Variants in RSRC1 observed in about 807,000 individuals in gnomAD.
RSRC1 encodes the protein serine/Arginine-related protein 53.
A neutral mutation model predicts 49.1 loss-of-function variants in RSRC1; 39 were observed. The ratio of observed to expected loss-of-function variants is 0.79; its 90% CI spans 0.61 to 1.04. The LOEUF (loss-of-function observed/expected upper bound fraction) is 1.04, where lower values mean the gene tolerates loss of function less well. Among genes scored for constraint, RSRC1 ranks in the 50% least tolerant of loss-of-function variants. The probability of loss-of-function intolerance (pLI) is 0.00; values close to 1 mark genes in which losing one functional copy is unlikely to be tolerated. For missense variants in RSRC1, 388 were observed against 402.4 expected, an observed-to-expected ratio of 0.96 and a Z score of 0.31; for synonymous variants, 143 against 130.8, an observed-to-expected ratio of 1.09 and a Z score of -0.63.
intron 7 of RSRC1, among the ~76,000 whole-genome samples, chr3:158,533,337 T>C (rs1446632023): frequency 1.3e-5 from 2 of 151,792 alleles, no homozygotes; most frequent in Non-Finnish European, 3.0e-5. Flanking sequence ...TCCTATCTGC[T>C]CTGTCACTTT....
chr3:158,219,803 C>T (rs1559948036), intron 4 of RSRC1, among the ~76,000 whole-genome samples: 1 of 151,490 alleles, frequency 6.6e-6, no homozygotes, highest in Non-Finnish European at 1.5e-5. Flanking sequence ...GGATCTTGAT[C>T]TGACTTGAGT....
At chr3:158,433,969 T>C (rs1040575401) in intron 6 of RSRC1, among the ~76,000 whole-genome samples, 1 of 151,916 alleles carries the variant, frequency 6.6e-6, no homozygotes, top group African/African-American at 2.4e-5. Flanking sequence ...GGCAGAATAA[T>C]ATTGTCACTC....
chr3:158,246,054 C>T (rs1209540455), intron 4 of RSRC1, among the ~76,000 whole-genome samples: 6 of 151,878 alleles, frequency 4.0e-5, no homozygotes, highest in East Asian at 1.9e-4. Flanking sequence ...TAGCATTGTT[C>T]GCCCACTTGC....
intron 3 of RSRC1, among the ~76,000 whole-genome samples, chr3:158,133,850 G>C (rs1716191034): frequency 6.6e-6 from 1 of 152,158 alleles, no homozygotes. Flanking sequence ...CTGTTTCTTA[G>C]TTTACTAAGT....
At chr3:158,201,538 T>G (rs1721045604) in intron 3 of RSRC1, among the ~76,000 whole-genome samples, 1 of 152,146 alleles carries the variant, frequency 6.6e-6, no homozygotes, top group Non-Finnish European at 1.5e-5. Flanking sequence ...GGCTTTCTTA[T>G]TACAGTCTTT....
At chr3:158,262,686 C>T (rs770299341) in intron 4 of RSRC1, among the ~76,000 whole-genome samples, 10 of 151,880 alleles carry the variant, frequency 6.6e-5, no homozygotes, top group East Asian at 1.9e-4. Flanking sequence ...ACTCTTTTAG[C>T]GCAGTAACAA....
chr3:158,353,930 T>C (rs1180647340), intron 5 of RSRC1, among the ~76,000 whole-genome samples: 1 of 151,818 alleles, frequency 6.6e-6, no homozygotes, highest in East Asian at 1.9e-4. Context: ...GTTGTTGTTG[T>C]TTAATATGTT....
chr3:158,354,429 C>T (rs1578378727), intron 5 of RSRC1, among the ~76,000 whole-genome samples: 1 of 152,072 alleles, frequency 6.6e-6, no homozygotes, highest in African/African-American at 2.4e-5. Flanking sequence ...CTTTAAATTC[C>T]AGTTAGGAAA....
intron 6 of RSRC1, among the ~76,000 whole-genome samples, chr3:158,386,552 A>G (rs746361730): frequency 6.6e-5 from 10 of 152,060 alleles, no homozygotes; most frequent in Non-Finnish European, 1.0e-4. Context: ...TAGAGGCTAT[A>G]TTATATGACC....
At chr3:158,228,320 G>A (rs950157713) in intron 4 of RSRC1, among the ~76,000 whole-genome samples, 1 of 151,910 alleles carries the variant, frequency 6.6e-6, no homozygotes, top group Non-Finnish European at 1.5e-5. Flanking sequence ...AGCAATTTCA[G>A]GCCCTCTTTT....
At chr3:158,375,566 TATTC>T (rs1164082900) in intron 6 of RSRC1, among the ~76,000 whole-genome samples, 1 of 152,100 alleles carries the variant, frequency 6.6e-6, no homozygotes, top group Non-Finnish European at 1.5e-5. Flanking sequence ...AATTGGATAA[TATTC>T]ATTTAGTGAG....
intron 6 of RSRC1, among the ~76,000 whole-genome samples, chr3:158,407,678 C>T (rs1001926791): frequency 1.3e-5 from 2 of 152,010 alleles, no homozygotes; most frequent in East Asian, 3.8e-4. Flanking sequence ...TTCCAAACCA[C>T]CATTTTCTGT....
chr3:158,225,103 C>T (rs1722451344), intron 4 of RSRC1, among the ~76,000 whole-genome samples: 1 of 151,758 alleles, frequency 6.6e-6, no homozygotes, highest in Non-Finnish European at 1.5e-5. Flanking sequence ...TCCTCTGCCT[C>T]AGTACAAAAA....
chr3:158,393,478 G>A (rs567684068), intron 6 of RSRC1, among the ~76,000 whole-genome samples: 1 of 151,262 alleles, frequency 6.6e-6, no homozygotes, highest in African/African-American at 2.4e-5. Context: ...ATGACAAAGG[G>A]GACATTACTA....
intron 6 of RSRC1, among the ~76,000 whole-genome samples, chr3:158,404,929 GTAAT>G (rs1734081991): frequency 6.6e-6 from 1 of 151,738 alleles, no homozygotes. Flanking sequence ...TGGTGCTACT[GTAAT>G]GGTTTTCAAG....
chr3:158,462,681 T>C (rs1316155381), intron 7 of RSRC1, among the ~76,000 whole-genome samples: 1 of 152,070 alleles, frequency 6.6e-6, no homozygotes, highest in Non-Finnish European at 1.5e-5. Context: ...TTGATATTTC[T>C]ACAGCTCTCT....
chr3:158,270,025 T>A (rs1282282103), intron 4 of RSRC1, among the ~76,000 whole-genome samples: 1 of 152,176 alleles, frequency 6.6e-6, no homozygotes, highest in Non-Finnish European at 1.5e-5. Context: ...CAGAAGATTT[T>A]GTTTCCTGGT....
intron 7 of RSRC1, among the ~76,000 whole-genome samples, chr3:158,508,786 C>T (rs780909762): frequency 7.9e-5 from 12 of 152,076 alleles, no homozygotes; most frequent in South Asian, 2.1e-4. Context: ...TATCTCATCA[C>T]GTAGGCATTT....
intron 4 of RSRC1, among the ~76,000 whole-genome samples, chr3:158,281,708 A>G (rs1159746823): frequency 6.6e-6 from 1 of 152,228 alleles, no homozygotes; most frequent in East Asian, 1.9e-4. Flanking sequence ...GACAGTATCA[A>G]ATGGTTCTAA....
Sources: allele counts gnomAD v4.1 joint callset (sites outside exome capture counted in the v4.1 genomes callset), GRCh38; gene constraint gnomAD v4.1.1; transcripts MANE v1.5; gene names NCBI Gene and HGNC (gene_info 2026-07-23, HGNC 2026-07-21).